The following MET variants were observed in gnomAD, a reference collection of about 807,000 sequenced individuals.
MET encodes MET proto-oncogene, receptor tyrosine kinase.
In MET, 48 loss-of-function variants were observed where a neutral mutation model predicts 133.1. That is an observed-to-expected ratio of 0.36 (90% confidence interval 0.29 to 0.46). MET has a LOEUF of 0.46. Ranked by LOEUF, MET falls within the 20% of genes least tolerant of loss-of-function variation. MET has a pLI of 1.00. For synonymous variants in MET, 628 were observed against 616.5 expected (o/e 1.02, Z -0.28); for missense variants, 1,442 against 1,695.9 (o/e 0.85, Z 2.63).
At chr7:116,769,256 A>G (rs1275647547) in intron 11 of MET, among the ~76,000 whole-genome samples, 2 of 152,222 alleles carry the variant, frequency 1.3e-5, no homozygotes, top group Non-Finnish European at 2.9e-5. Flanking sequence ...GAATCTCTGC[A>G]TTGGGCAGTG....
intron 5 of MET, among the ~76,000 whole-genome samples, chr7:116,743,024 A>G (rs1250596944): frequency 6.6e-6 from 1 of 152,232 alleles, no homozygotes; most frequent in African/African-American, 2.4e-5. Flanking sequence ...TGCATGTCCA[A>G]CAGAGGTACA....
intron 5 of MET, among the ~76,000 whole-genome samples, chr7:116,755,011 A>AGAAC (rs1562919894): frequency 6.6e-6 from 1 of 150,768 alleles, no homozygotes; most frequent in Non-Finnish European, 1.5e-5. Flanking sequence ...AAAGAAAGAA[A>AGAAC]GAAAGAAAGA....
chr7:116,697,288 C>G (rs1344651260), intron 1 of MET, among the ~76,000 whole-genome samples: 1 of 152,138 alleles, frequency 6.6e-6, no homozygotes, highest in Non-Finnish European at 1.5e-5. Flanking sequence ...TTCATTCCTT[C>G]TATCCTTGGT....
At chr7:116,716,804 T>C (rs1247463386) in intron 2 of MET, among the ~76,000 whole-genome samples, 1 of 152,226 alleles carries the variant, frequency 6.6e-6, no homozygotes, top group Non-Finnish European at 1.5e-5. Context: ...CCACAGTAGC[T>C]TCCATCACCT....
At chr7:116,698,159 A>G (rs1051693864) in intron 1 of MET, among the ~76,000 whole-genome samples, 2 of 152,232 alleles carry the variant, frequency 1.3e-5, no homozygotes, top group African/African-American at 4.8e-5. Flanking sequence ...GCCTATAACT[A>G]TTATAAGGAG....
chr7:116,683,367 A>G (rs1584857241), intron 1 of MET, among the ~76,000 whole-genome samples: 3 of 152,120 alleles, frequency 2.0e-5, no homozygotes, highest in African/African-American at 7.2e-5. Context: ...AATTCCATCC[A>G]TGTTTCTGCA....
intron 5 of MET, among the ~76,000 whole-genome samples, chr7:116,744,090 G>A (rs997755332): frequency 1.3e-5 from 2 of 152,130 alleles, no homozygotes; most frequent in Admixed American, 1.3e-4. Flanking sequence ...AAAAACCAGC[G>A]CAGAAAGGCT....
intron 11 of MET, among the ~76,000 whole-genome samples, chr7:116,765,621 C>T (rs572233520): frequency 3.3e-5 from 5 of 152,240 alleles, no homozygotes; most frequent in South Asian, 2.1e-4. Flanking sequence ...TTGGCCAAGG[C>T]TTCAAGTCCC....
chr7:116,716,467 GA>G (rs1182278082), intron 2 of MET, among the ~76,000 whole-genome samples: 1 of 108,196 alleles, frequency 9.2e-6, no homozygotes, highest in Non-Finnish European at 1.9e-5. Flanking sequence ...AAGAAAGAAA[GA>G]GAAAGAAAGA....
At chr7:116,740,812 A>G (rs749152789) in intron 4 of MET, 40 bp from the exon 5 acceptor site, 15 of 1,610,856 alleles carry the variant, frequency 9.3e-6, no homozygotes, top group Admixed American at 1.7e-5. Context: ...AACAAACTAG[A>G]TACCCCTCTG....
chr7:116,674,789 C>T (rs1158492040), intron 1 of MET, among the ~76,000 whole-genome samples: 3 of 152,166 alleles, frequency 2.0e-5, no homozygotes, highest in Admixed American at 2.0e-4. Flanking sequence ...CTTCCGTGCC[C>T]CCATTTCTCC....
At chr7:116,788,950 G>A (rs1416331696) in intron 19 of MET, among the ~76,000 whole-genome samples, 4 of 152,134 alleles carry the variant, frequency 2.6e-5, no homozygotes, top group African/African-American at 9.7e-5. Flanking sequence ...GAACCCTTTT[G>A]CAATGGGTGT....
In MET at chr7:116,796,667, A is replaced by C. The variant is rs1795689136; in HGVS notation, c.*543A>C. ...TGTTTGTTTTTTGAGACAGGATCTC[A>C]CTCTGTTGCCAGGGCTGTAGTGCAG... On this transcript the variant is annotated 3_prime_UTR_variant, in exon 21 of 21. Transcript: ENST00000397752. 4.0e-6 allele frequency: 1 copy of C among 253,066 alleles called. No homozygotes were observed. Among genetic ancestry groups the C allele is most frequent in the Non-Finnish European group, 7.8e-6 (1 of 128,950 alleles). The allele number at this position is 253,066 out of a possible 1,614,324, so 15.7% of individuals were successfully genotyped here.
intron 1 of MET, among the ~76,000 whole-genome samples, chr7:116,692,527 T>G (rs1336369496): frequency 6.6e-6 from 1 of 152,224 alleles, no homozygotes; most frequent in African/African-American, 2.4e-5. Context: ...GAGATTTGAA[T>G]GTATCGCTAG....
At chr7:116,716,748 G>A (rs1309611040) in intron 2 of MET, among the ~76,000 whole-genome samples, 3 of 152,208 alleles carry the variant, frequency 2.0e-5, no homozygotes, top group African/African-American at 2.4e-5. Context: ...AGATGGCAAC[G>A]GGGTGTGTAG....
intron 19 of MET, among the ~76,000 whole-genome samples, chr7:116,787,331 C>A (rs1649526292): frequency 6.6e-6 from 1 of 152,160 alleles, no homozygotes; most frequent in African/African-American, 2.4e-5. Context: ...AGAGCCAACC[C>A]TTACAACTCA....
chr7:116,784,220 A>T (rs1795242027), intron 19 of MET, among the ~76,000 whole-genome samples: 1 of 152,258 alleles, frequency 6.6e-6, no homozygotes, highest in Admixed American at 6.5e-5. Flanking sequence ...GAGGGAAGTT[A>T]TGAGAATAAA....
chr7:116,759,939 C>T (rs1794332161), intron 10 of MET, among the ~76,000 whole-genome samples: 2 of 152,214 alleles, frequency 1.3e-5, no homozygotes, highest in Admixed American at 1.3e-4. Context: ...TCATGCCTGG[C>T]TAATTTTTGT....
rs1342725448 is a variant in MET, at chr7:116,797,716, A to G, written c.*1592A>G. ...GTGAACATTTTAGAAAAGGTATGTC[A>G]GACTGGGATTAATGACAGCATGATT... On this transcript the variant is annotated 3_prime_UTR_variant, in exon 21 of 21. Coordinates refer to ENST00000397752, the MANE Select transcript of MET (RefSeq NM_000245.4). 8.8e-6 allele frequency: 2 copies of G among 227,804 alleles called. No individual in the cohort carries two copies. The highest frequency in any genetic ancestry group is 1.3e-3 in the Middle Eastern group (1 of 776). The allele number at this position is 227,804 out of a possible 1,614,324, so 14.1% of individuals were successfully genotyped here.
Sources: gnomAD v4.1 joint callset for allele counts (sites outside exome capture counted in the v4.1 genomes callset) on GRCh38, gnomAD v4.1.1 for gene constraint, MANE v1.5 for transcripts, NCBI Gene and HGNC (gene_info 2026-07-23, HGNC 2026-07-21) for gene names.